AUTS2: variants seen among roughly 807,000 people sequenced by gnomAD.
AUTS2 encodes the protein autism susceptibility gene 2 protein.
In AUTS2, 17 loss-of-function variants were observed where a neutral mutation model predicts 112.4. The observed-to-expected ratio is 0.15, with a 90% confidence interval of 0.10 to 0.23. AUTS2 has a LOEUF of 0.23. Among genes scored for constraint, AUTS2 ranks in the 10% least tolerant of loss-of-function variants. The pLI, the probability that AUTS2 is intolerant of heterozygous loss-of-function variation, is 1.00. For synonymous variants in AUTS2, 751 were observed against 702.7 expected (o/e 1.07, Z -1.09); for missense variants, 1,510 against 1,701.6 (o/e 0.89, Z 1.98).
intron 5 of AUTS2, among the ~76,000 whole-genome samples, chr7:70,644,720 TC>T (rs1172303975): frequency 6.6e-6 from 1 of 152,170 alleles, no homozygotes; most frequent in African/African-American, 2.4e-5. Flanking sequence ...CATGAAGCCT[TC>T]CAGAATCATC....
intron 1 of AUTS2, among the ~76,000 whole-genome samples, chr7:69,776,265 C>G (rs1010596723): frequency 6.6e-6 from 1 of 152,182 alleles, no homozygotes; most frequent in African/African-American, 2.4e-5. Context: ...TGATATCTAT[C>G]TCTACATCCT....
intron 5 of AUTS2, among the ~76,000 whole-genome samples, chr7:70,507,634 T>C (rs777202065): frequency 6.6e-6 from 1 of 151,812 alleles, no homozygotes; most frequent in Non-Finnish European, 1.5e-5. Flanking sequence ...CTGTCTCTAC[T>C]AAAAATACAA....
At chr7:70,458,383 A>G (rs1487055195) in intron 5 of AUTS2, among the ~76,000 whole-genome samples, 1 of 152,166 alleles carries the variant, frequency 6.6e-6, no homozygotes, top group African/African-American at 2.4e-5. Context: ...TCCTTCTGGT[A>G]TGTTTCTGAG....
intron 4 of AUTS2, among the ~76,000 whole-genome samples, chr7:70,179,087 G>A (rs370438872): frequency 6.6e-6 from 1 of 152,126 alleles, no homozygotes; most frequent in African/African-American, 2.4e-5. Context: ...TGGAATGCAA[G>A]TGCATCACAC....
intron 2 of AUTS2, among the ~76,000 whole-genome samples, chr7:70,104,220 A>G (rs1804649877): frequency 6.7e-6 from 1 of 149,412 alleles, no homozygotes; most frequent in African/African-American, 2.5e-5. Flanking sequence ...TTTCTATTAT[A>G]TATCAAGGGG....
intron 5 of AUTS2, among the ~76,000 whole-genome samples, chr7:70,538,524 C>T (rs1244785993): frequency 1.3e-5 from 2 of 151,870 alleles, no homozygotes; most frequent in Non-Finnish European, 2.9e-5. Context: ...AGCAAGACTC[C>T]GTCTCAAAAA....
At chr7:69,811,734 C>T (rs1015255525) in intron 1 of AUTS2, among the ~76,000 whole-genome samples, 3 of 152,160 alleles carry the variant, frequency 2.0e-5, no homozygotes, top group Non-Finnish European at 4.4e-5. Context: ...AGGTGGGAGC[C>T]ATCGTTCATT....
chr7:70,533,814 C>T (rs761289185), intron 5 of AUTS2, among the ~76,000 whole-genome samples: 10 of 152,180 alleles, frequency 6.6e-5, no homozygotes, highest in Non-Finnish European at 1.2e-4. Context: ...GTAATGGCTG[C>T]TGTGTCCTCC....
intron 5 of AUTS2, among the ~76,000 whole-genome samples, chr7:70,477,943 A>G (rs571379221): frequency 6.6e-6 from 1 of 152,360 alleles, no homozygotes; most frequent in South Asian, 2.1e-4. Flanking sequence ...TGCCCCACAG[A>G]TGAGGATCTG....
intron 5 of AUTS2, among the ~76,000 whole-genome samples, chr7:70,450,137 A>G (rs965864396): frequency 6.6e-6 from 1 of 152,198 alleles, no homozygotes; most frequent in Non-Finnish European, 1.5e-5. Flanking sequence ...TCTTTCACTC[A>G]TGTTTCATTC....
intron 4 of AUTS2, among the ~76,000 whole-genome samples, chr7:70,143,746 ACTGT>A (rs796877647): frequency 7.9e-5 from 12 of 152,290 alleles, no homozygotes; most frequent in East Asian, 5.8e-4. Context: ...AAAGGTGATG[ACTGT>A]CTATTAGGGC....
chr7:70,487,233 C>T (rs535166544), intron 5 of AUTS2, among the ~76,000 whole-genome samples: 1 of 149,220 alleles, frequency 6.7e-6, no homozygotes, highest in South Asian at 2.1e-4. Flanking sequence ...TCCCCCGCGC[C>T]CCCCTCCCAG....
intron 1 of AUTS2, among the ~76,000 whole-genome samples, chr7:69,752,342 C>T (rs1282819956): frequency 2.6e-5 from 4 of 152,172 alleles, no homozygotes; most frequent in Non-Finnish European, 5.9e-5. Context: ...TCTCTGGGCC[C>T]CTTGTCATGG....
At position 70,189,821 on chromosome 7, in the gene AUTS2, C is replaced by A. The variant is rs569557225; in HGVS notation, c.660+55250C>A. Reference sequence around the variant, plus strand: ...TTTTTTGAAGGTGCTGATTCTCACCCCCATTTCCAGCTACATTGACTATCG... The same window carrying A: ...TTTTTTGAAGGTGCTGATTCTCACCACCATTTCCAGCTACATTGACTATCG... On this transcript the variant is annotated intron_variant, in intron 4 of 18. Coordinates refer to ENST00000342771, the MANE Select transcript of AUTS2 (RefSeq NM_015570.4). Among the ~76,000 whole-genome samples the A allele has an allele frequency of 2.0e-5, 3 of 152,156 alleles. No individual in the cohort carries two copies. The East Asian group carries it at 5.8e-4, about 29-fold the overall frequency.
chr7:70,652,367 G>A (rs188308114), intron 5 of AUTS2, among the ~76,000 whole-genome samples: 2 of 151,868 alleles, frequency 1.3e-5, no homozygotes, highest in East Asian at 3.9e-4. Context: ...TTTAGGGTTA[G>A]ACAATTTATG....
intron 1 of AUTS2, among the ~76,000 whole-genome samples, chr7:69,789,597 A>T (rs1789528309): frequency 6.6e-6 from 1 of 152,204 alleles, no homozygotes; most frequent in South Asian, 2.1e-4. Flanking sequence ...GTACTTGTTA[A>T]GCAGCAGCTT....
chr7:70,429,202 C>A (rs1265244496), intron 4 of AUTS2, among the ~76,000 whole-genome samples: 1 of 152,172 alleles, frequency 6.6e-6, no homozygotes, highest in Non-Finnish European at 1.5e-5. Flanking sequence ...ACAGTTTGAA[C>A]AATACTCAAG....
chr7:70,385,858 GC>G (rs1412433016), intron 4 of AUTS2, among the ~76,000 whole-genome samples: 1 of 152,148 alleles, frequency 6.6e-6, no homozygotes, highest in Non-Finnish European at 1.5e-5. Context: ...AGAGATATGG[GC>G]TGTATCACAC....
At chr7:70,609,959 T>TTG (rs1563074483) in intron 5 of AUTS2, among the ~76,000 whole-genome samples, 6,052 of 122,910 alleles carry the variant, frequency 0.049, 146 homozygotes, top group Middle Eastern at 0.067. Context: ...AGTTCTGTTT[T>TTG]TTGTTGTTGT....
Sources: allele counts gnomAD v4.1 joint callset (sites outside exome capture counted in the v4.1 genomes callset), GRCh38; gene constraint gnomAD v4.1.1; transcripts MANE v1.5; gene names NCBI Gene and HGNC (gene_info 2026-07-23, HGNC 2026-07-21).